Variants in COL4A4 observed in about 807,000 individuals in gnomAD.
COL4A4 encodes the protein collagen alpha-4(IV) chain.
A neutral mutation model predicts 192.9 loss-of-function variants in COL4A4; 105 were observed. That is an observed-to-expected ratio of 0.54 (90% confidence interval 0.46 to 0.64). The LOEUF (loss-of-function observed/expected upper bound fraction) is 0.64. COL4A4 is among the 30% of genes least tolerant of loss of function. The probability of loss-of-function intolerance (pLI) is 0.00; values close to 1 mark genes in which losing one functional copy is unlikely to be tolerated. For synonymous variants in COL4A4, 762 were observed against 769.9 expected, an observed-to-expected ratio of 0.99 and a Z score of 0.17; for missense variants, 1,967 against 2,169.3, an observed-to-expected ratio of 0.91 and a Z score of 1.85.
In COL4A4 at chr2:227,007,558, G is replaced by A; in HGVS notation, c.4840C>T (p.Gln1614Ter). 1 of 1,612,856 alleles carries A rather than the reference G, an allele frequency of 6.2e-7. No individual in the cohort carries two copies. The highest frequency in any genetic ancestry group is 2.2e-5 in the East Asian group (1 of 44,884). The change falls in exon 48 of 48, where the codon CAG becomes TAG. Residue 1614 changes from glutamine to a stop codon, truncating the protein, a stop_gained. Transcript: ENST00000396625. LOFTEE classifies it high-confidence loss of function. ...HTGAGDQGGGQALMSPGSCLE... is the reference protein window; with the variant it reads ...HTGAGDQGGG The stretch of plus-strand genomic sequence containing the variant: ...CAGCTGCCAGGTGACATAAGGGCCT[G>A]CCCTCCTCCTTGGTCCCCAGCTCCT...
intron 44 of COL4A4, among the ~76,000 whole-genome samples, chr2:227,016,403 T>C (rs1964868943): frequency 6.6e-6 from 1 of 152,310 alleles, no homozygotes; most frequent in East Asian, 1.9e-4. Flanking sequence ...TCTTACGGTC[T>C]CTATAACAGT....
At chr2:227,101,165 A>G (rs1436062103) in intron 17 of COL4A4, among the ~76,000 whole-genome samples, 1 of 152,138 alleles carries the variant, frequency 6.6e-6, no homozygotes, top group East Asian at 1.9e-4. Context: ...GTTTTAAAAA[A>G]TAGGAGTTTC....
rs915427291 is a variant in COL4A4 at position 227,085,856 on chromosome 2, G to C, written c.1623+2797C>G. On this transcript the variant is annotated intron_variant, in intron 22 of 47. Coordinates refer to ENST00000396625, the MANE Select transcript of COL4A4 (RefSeq NM_000092.5). ...ATTTGGAGGGGGCACACATCCAAACGTTATCAGCCTGTGACAGTTTGCGAC... is the reference window on the plus strand; with the variant it reads ...ATTTGGAGGGGGCACACATCCAAACCTTATCAGCCTGTGACAGTTTGCGAC... 2.0e-5 allele frequency among the ~76,000 whole-genome samples: 3 copies of C among 152,152 alleles called. No homozygotes were observed. In the East Asian group the frequency reaches 5.8e-4, roughly 29 times the overall value.
At chr2:227,109,530 C>T (rs1412714588) in intron 9 of COL4A4, 8 of 658,514 alleles carry the variant, frequency 1.2e-5, no homozygotes, top group Admixed American at 4.2e-5. Context: ...GGGCAGATCA[C>T]GAGGTCAGGA....
At chr2:227,139,604 T>C (rs370025702) in intron 4 of COL4A4, among the ~76,000 whole-genome samples, 1 of 152,242 alleles carries the variant, frequency 6.6e-6, no homozygotes, top group African/African-American at 2.4e-5. Context: ...TTCAGTCTCC[T>C]GCACTGCAAA....
chr2:227,041,848 GAGAAAGAAAGAAAGAAAGAAAGAA>G (rs71036154), intron 37 of COL4A4, among the ~76,000 whole-genome samples: 1 of 38,692 alleles, frequency 2.6e-5, no homozygotes, highest in Non-Finnish European at 4.7e-5. Context: ...AAGAAAGAAA[GAGAAAGAAAGAAAGAAAGAAAGAA>G]AGAAAGAAAG....
At chr2:227,162,397 TTTTAAAA>T (rs2064909247) in intron 1 of COL4A4, among the ~76,000 whole-genome samples, 1 of 152,238 alleles carries the variant, frequency 6.6e-6, no homozygotes, top group Non-Finnish European at 1.5e-5. Flanking sequence ...TGTTTGTACT[TTTTAAAA>T]TTAAATACTG....
rs1576485348 is a variant in COL4A4 at position 227,098,636 on chromosome 2, T to C, written c.1204+58A>G. Reference sequence around the variant, plus strand: ...AGCTACAGTTGAAAGCTACTGGTGCTGATGATGATGCAGGAAATCTGACCT... The same window carrying C: ...AGCTACAGTTGAAAGCTACTGGTGCCGATGATGATGCAGGAAATCTGACCT... On this transcript the variant is annotated intron_variant, in intron 19 of 47. Coordinates refer to ENST00000396625, the MANE Select transcript of COL4A4 (RefSeq NM_000092.5). 11 of 1,295,248 alleles carry C rather than the reference T, an allele frequency of 8.5e-6. No homozygotes were observed. In the East Asian group the frequency reaches 2.5e-4, roughly 30 times the overall value. The allele number at this position is 1,295,248 out of a possible 1,614,324, so 80.2% of individuals were successfully genotyped here.
In COL4A4 at chr2:227,123,096, C is replaced by G. The variant is rs2061891566; in HGVS notation, c.193-1948G>C. 6.6e-6 allele frequency among the ~76,000 whole-genome samples: 1 copy of G among 152,100 alleles called. No individual in the cohort carries two copies. Among genetic ancestry groups the G allele is most frequent in the African/African-American group, 2.4e-5 (1 of 41,404 alleles). On this transcript the variant is annotated intron_variant, in intron 4 of 47. Coordinates refer to ENST00000396625, the MANE Select transcript of COL4A4 (RefSeq NM_000092.5). This position sits in a 1 kb window ranked among gnomAD's most constrained non-coding sequence, Gnocchi z 4.6. ...GCCAGGCTGGTCTCGAACTCCTGAC[C>G]TCAGGTGATCCGCTTGCCTTCAGCT... is the stretch of plus-strand genomic sequence containing the variant.
At chr2:227,147,284 C>T (rs2063609699) in intron 2 of COL4A4, 129 bp downstream of exon 2, 1 of 870,328 alleles carries the variant, frequency 1.1e-6, no homozygotes, top group Admixed American at 1.7e-5. Context: ...AAATGGCAGA[C>T]ATACCCTTAG....
chr2:227,131,681 T>C (rs1559702584), intron 4 of COL4A4, among the ~76,000 whole-genome samples: 1 of 152,232 alleles, frequency 6.6e-6, no homozygotes, highest in Non-Finnish European at 1.5e-5. Flanking sequence ...ACTATTGCCT[T>C]AGACGGCAAA....
At chr2:227,069,468 A>G (rs563964381) in intron 25 of COL4A4, among the ~76,000 whole-genome samples, 306 of 152,232 alleles carry the variant, frequency 2.0e-3, no homozygotes, top group Middle Eastern at 3.4e-3. Flanking sequence ...ACTTCAAACT[A>G]TACTACAAGG....
intron 37 of COL4A4, among the ~76,000 whole-genome samples, chr2:227,038,558 T>C (rs981961980): frequency 6.6e-6 from 1 of 152,246 alleles, no homozygotes; most frequent in Non-Finnish European, 1.5e-5. Flanking sequence ...AGGCTCTTTT[T>C]TGGTTCCATT....
intron 19 of COL4A4, among the ~76,000 whole-genome samples, chr2:227,095,002 AC>A (rs1576462700): frequency 6.6e-6 from 1 of 152,210 alleles, no homozygotes; most frequent in South Asian, 2.1e-4. Context: ...AAAAGAAAAA[AC>A]ATAGCTCAAA....
rs372746082 is a variant in COL4A4, at chr2:227,118,687, C to T, written c.447G>A (p.Gly149=). ...SGHNGSRGDP[G]FPGGRGALGP... ...CAAGAGCTCCTCTTCCTCCTGGAAA[C>T]CCTGGGTCACCTCTTGAGCCATTGT... Residue 149 remains glycine (G), a synonymous_variant, in exon 7 of 48, where the codon GGG becomes GGA. Coordinates refer to ENST00000396625, the MANE Select transcript of COL4A4 (RefSeq NM_000092.5). The T allele has an allele frequency of 7.8e-5, 126 of 1,613,992 alleles. No individual in the cohort carries two copies. The highest frequency in any genetic ancestry group is 1.1e-4 in the Non-Finnish European group (124 of 1,180,016).
chr2:227,155,500 T>C (rs543549296), intron 1 of COL4A4, among the ~76,000 whole-genome samples: 1 of 152,346 alleles, frequency 6.6e-6, no homozygotes, highest in Admixed American at 6.5e-5. Context: ...CAGAGTATTG[T>C]CAAGTCTCTT....
chr2:227,125,692 G>C (rs923058821), intron 4 of COL4A4, among the ~76,000 whole-genome samples: 1 of 152,106 alleles, frequency 6.6e-6, no homozygotes, highest in Admixed American at 6.5e-5. Context: ...AGGCTGTCCT[G>C]TCCCGGGAGC....
Position 227,119,949 on chromosome 2 carries a change from C to T in COL4A4, c.328-10G>A. ...GAACACCAGTTGGACCCTAAAATCC[C>T]AGAAAATAAAACAAAGAGATAAAAA... is the stretch of plus-strand genomic sequence containing the variant. On this transcript the variant is annotated splice_polypyrimidine_tract_variant and intron_variant, in intron 5 of 47. Transcript: ENST00000396625. The T allele has an allele frequency of 4.5e-6, 7 of 1,567,230 alleles. No homozygotes were observed. Among genetic ancestry groups the T allele is most frequent in the Non-Finnish European group, 6.1e-6 (7 of 1,154,540 alleles).
At chr2:227,042,950 C>T (rs1234442539) in intron 36 of COL4A4, 127 bp downstream of exon 36, 2 of 745,974 alleles carry the variant, frequency 2.7e-6, no homozygotes, top group African/African-American at 3.5e-5. Flanking sequence ...GTGACCTATC[C>T]AAAGTCACAG....
Sources: allele counts gnomAD v4.1 joint callset (sites outside exome capture counted in the v4.1 genomes callset), GRCh38; gene constraint gnomAD v4.1.1; non-coding constraint Gnocchi (gnomAD v3.1); transcripts MANE v1.5; gene names NCBI Gene and HGNC (gene_info 2026-07-23, HGNC 2026-07-21).